The following ZNF804A variants were observed in gnomAD, a reference collection of about 807,000 sequenced individuals.
ZNF804A encodes the protein zinc finger protein 804A.
A neutral mutation model predicts 16.5 loss-of-function variants in ZNF804A; 2 were observed. The observed-to-expected ratio is 0.12, with a 90% CI of 0.05 to 0.38. The LOEUF (loss-of-function observed/expected upper bound fraction) is 0.38, where lower values mean the gene tolerates loss of function less well. Ranked by LOEUF, ZNF804A falls within the 10% of genes least tolerant of loss-of-function variation. ZNF804A has a pLI of 0.99. For missense variants in ZNF804A, 1,473 were observed against 1,390.7 expected (o/e 1.06, Z -0.94); for synonymous variants, 534 against 489.6 (o/e 1.09, Z -1.20).
At chr2:184,688,920 G>A (rs1046848449) in intron 1 of ZNF804A, among the ~76,000 whole-genome samples, 1 of 152,130 alleles carries the variant, frequency 6.6e-6, no homozygotes, top group African/African-American at 2.4e-5. Context: ...TTTCTGATTT[G>A]TTTGGAGAGA....
intron 1 of ZNF804A, among the ~76,000 whole-genome samples, chr2:184,709,467 T>C (rs1005691023): frequency 6.6e-6 from 1 of 152,028 alleles, no homozygotes; most frequent in Non-Finnish European, 1.5e-5. Context: ...CCAATATTAT[T>C]CTGAGAACAA....
intron 1 of ZNF804A, among the ~76,000 whole-genome samples, chr2:184,744,405 A>C (rs570602828): frequency 6.6e-6 from 1 of 151,998 alleles, no homozygotes; most frequent in East Asian, 1.9e-4. Flanking sequence ...TGCCTTTAAA[A>C]AGTGATTAGA....
At chr2:184,739,420 G>A (rs575940533) in intron 1 of ZNF804A, among the ~76,000 whole-genome samples, 5 of 152,206 alleles carry the variant, frequency 3.3e-5, no homozygotes, top group Admixed American at 6.5e-5. Flanking sequence ...GGGGAACAGC[G>A]TCTCACTCCA....
At chr2:184,644,877 G>T (rs1014713976) in intron 1 of ZNF804A, among the ~76,000 whole-genome samples, 5 of 151,658 alleles carry the variant, frequency 3.3e-5, no homozygotes, top group African/African-American at 1.2e-4. Flanking sequence ...ACCACACTGG[G>T]GCAGCAGTCA....
chr2:184,854,037 T>C (rs546935074), intron 1 of ZNF804A, among the ~76,000 whole-genome samples: 2 of 152,012 alleles, frequency 1.3e-5, no homozygotes, highest in East Asian at 3.9e-4. Context: ...AGCCATCAGG[T>C]CCTGGGCTTT....
At position 184,937,099 on chromosome 2, in the gene ZNF804A, T is replaced by G; in HGVS notation, c.1703T>G (p.Ile568Arg). The change falls in exon 4 of 4, where the codon ATA (isoleucine) becomes AGA (arginine). Residue 568 changes from isoleucine (I) to arginine (R), a missense_variant. Coordinates refer to ENST00000302277, the MANE Select transcript of ZNF804A (RefSeq NM_194250.2). The stretch of plus-strand genomic sequence containing the variant: ...AAGTATAATTTTACTAAAAGTCAAA[T>G]AAAACAGGACACTCTAGATGAAAAA... ...TEKYNFTKSQ[I>R]KQDTLDEKYN... 1 of 1,605,184 alleles carries G rather than the reference T, an allele frequency of 6.2e-7. No individual in the cohort carries two copies. The highest frequency in any genetic ancestry group is 8.5e-7 in the Non-Finnish European group (1 of 1,177,692).
At chr2:184,620,916 G>A (rs1054402549) in intron 1 of ZNF804A, among the ~76,000 whole-genome samples, 39 of 151,632 alleles carry the variant, frequency 2.6e-4, no homozygotes, top group African/African-American at 9.4e-4. Context: ...GAAGATAGCT[G>A]CAATTTATTT....
chr2:184,718,086 A>G (rs1054028968), intron 1 of ZNF804A, among the ~76,000 whole-genome samples: 9 of 152,208 alleles, frequency 5.9e-5, no homozygotes, highest in Non-Finnish European at 1.2e-4. Context: ...TTGGACTTAC[A>G]GTTACACATG....
rs916984545 is a variant in ZNF804A at position 184,937,525 on chromosome 2, A to T, written c.2129A>T (p.His710Leu). ...LNGQSNATMI[H>L]SGKHNLTYSR... ...GGACAATCAAATGCAACAATGATAC[A>T]TTCTGGGAAACATAATTTAACATAT... The change falls in exon 4 of 4, where the codon CAT becomes CTT. Residue 710 changes from histidine to leucine, a missense_variant. By Grantham distance (99) the His-to-Leu change is moderately conservative. Coordinates refer to ENST00000302277, the MANE Select transcript of ZNF804A (RefSeq NM_194250.2). The T allele has an allele frequency of 6.2e-7, 1 of 1,612,432 alleles. No individual in the cohort carries two copies. The highest frequency in any genetic ancestry group is 8.5e-7 in the Non-Finnish European group (1 of 1,179,452).
intron 1 of ZNF804A, among the ~76,000 whole-genome samples, chr2:184,764,252 T>G (rs1206333912): frequency 1.3e-5 from 2 of 152,130 alleles, no homozygotes; most frequent in Non-Finnish European, 2.9e-5. Context: ...ACTAAAATAG[T>G]CATGAAGCCA....
At chr2:184,663,802 T>A (rs1306059323) in intron 1 of ZNF804A, among the ~76,000 whole-genome samples, 1 of 152,146 alleles carries the variant, frequency 6.6e-6, no homozygotes, top group Non-Finnish European at 1.5e-5. Context: ...ACATCACAAA[T>A]AGATTATAGC....
In ZNF804A at chr2:184,835,664, G is replaced by GAAA. The variant is rs112941339; in HGVS notation, c.112-30695_112-30693dup. Among the ~76,000 whole-genome samples, 648 of 137,554 alleles carry GAAA rather than the reference G, an allele frequency of 4.7e-3. 1 individual carries two copies. The highest frequency in any genetic ancestry group is 0.022 in the South Asian group (98 of 4,422). The allele number at this position is 137,554 out of a possible 152,430, so 90.2% of individuals were successfully genotyped here. On this transcript the variant is annotated intron_variant, in intron 1 of 3. Coordinates refer to ENST00000302277, the MANE Select transcript of ZNF804A (RefSeq NM_194250.2). ...TAATTCATTTAGCTCAGGAAGGCAT[G>GAAA]AAAAAAAAAAAACAGAAAAAAGATG...
At chr2:184,654,668 T>G (rs1183902036) in intron 1 of ZNF804A, among the ~76,000 whole-genome samples, 1 of 152,204 alleles carries the variant, frequency 6.6e-6, no homozygotes, top group Non-Finnish European at 1.5e-5. Context: ...CAAGAATTTA[T>G]TGACCAATTT....
rs1345848534 is a variant in ZNF804A at position 184,801,091 on chromosome 2, T to C, written c.112-65278T>C. Among the ~76,000 whole-genome samples, 9 of 152,246 alleles carry C rather than the reference T, an allele frequency of 5.9e-5. No homozygotes were observed. The East Asian group carries it at 1.7e-3, about 29-fold the overall frequency. Reference sequence around the variant, plus strand: ...TTTTGAAGGGTAAGTTTGCCTGACGTAGAACTCTAGGATTCTGTTTGTTTC... The same window carrying C: ...TTTTGAAGGGTAAGTTTGCCTGACGCAGAACTCTAGGATTCTGTTTGTTTC... On this transcript the variant is annotated intron_variant, in intron 1 of 3. Coordinates refer to ENST00000302277, the MANE Select transcript of ZNF804A (RefSeq NM_194250.2).
chr2:184,826,167 A>G (rs1424520860), intron 1 of ZNF804A, among the ~76,000 whole-genome samples: 1 of 152,100 alleles, frequency 6.6e-6, no homozygotes, highest in Non-Finnish European at 1.5e-5. Flanking sequence ...TACAAGCATG[A>G]GCAACCGAGC....
intron 2 of ZNF804A, among the ~76,000 whole-genome samples, chr2:184,882,179 T>C (rs928394664): frequency 2.0e-5 from 3 of 151,498 alleles, no homozygotes; most frequent in Non-Finnish European, 2.9e-5. Context: ...ACAACAAATA[T>C]CAAAAAAAGA....
At chr2:184,638,349 G>A (rs1423055337) in intron 1 of ZNF804A, among the ~76,000 whole-genome samples, 1 of 152,070 alleles carries the variant, frequency 6.6e-6, no homozygotes, top group Non-Finnish European at 1.5e-5. Context: ...ATTGCATCGA[G>A]GTTCATTGGT....
chr2:184,853,726 G>A (rs1484477676), intron 1 of ZNF804A, among the ~76,000 whole-genome samples: 2 of 151,536 alleles, frequency 1.3e-5, no homozygotes, highest in African/African-American at 4.8e-5. Context: ...AACCATTCTT[G>A]CATCCCCAAT....
chr2:184,909,481 A>G (rs1234129769), intron 2 of ZNF804A, among the ~76,000 whole-genome samples: 1 of 152,094 alleles, frequency 6.6e-6, no homozygotes, highest in Non-Finnish European at 1.5e-5. Flanking sequence ...CTACCTTCAG[A>G]AATTCACTTG....
Sources: allele counts gnomAD v4.1 joint callset (sites outside exome capture counted in the v4.1 genomes callset), GRCh38; gene constraint gnomAD v4.1.1; transcripts MANE v1.5; gene names NCBI Gene and HGNC (gene_info 2026-07-23, HGNC 2026-07-21).